The following PDE11A variants were observed in gnomAD, a reference collection of about 807,000 sequenced individuals.
PDE11A encodes dual 3',5'-cyclic-AMP and -GMP phosphodiesterase 11A.
PDE11A carries 100 observed loss-of-function variants against 100.5 expected under a neutral mutation model. That is an observed-to-expected ratio of 1.00 (90% confidence interval 0.85 to 1.18). The LOEUF is 1.18. PDE11A is among the 50% of genes most tolerant of loss of function. PDE11A has a pLI of 0.00. For missense variants in PDE11A, 1,141 were observed against 1,152.6 expected, an observed-to-expected ratio of 0.99 and a Z score of 0.15; for synonymous variants, 381 against 420.8, an observed-to-expected ratio of 0.91 and a Z score of 1.16.
chr2:177,794,069 A>G (rs2082671239), intron 9 of PDE11A, among the ~76,000 whole-genome samples: 1 of 152,120 alleles, frequency 6.6e-6, no homozygotes, highest in Non-Finnish European at 1.5e-5. Context: ...GAGTGGAGAG[A>G]GTGGAGTGAA....
At chr2:177,797,534 A>G (rs1489633405) in intron 9 of PDE11A, among the ~76,000 whole-genome samples, 3 of 152,236 alleles carry the variant, frequency 2.0e-5, no homozygotes, top group Admixed American at 1.3e-4. Flanking sequence ...AAAATAACAT[A>G]GCAAAAGCAG....
chr2:177,960,127 C>G (rs1052929699), intron 2 of PDE11A, among the ~76,000 whole-genome samples: 1 of 151,760 alleles, frequency 6.6e-6, no homozygotes, highest in Non-Finnish European at 1.5e-5. Flanking sequence ...GGAAATTTCC[C>G]CGTCGCTTAA....
At chr2:177,936,116 G>T (rs887146245) in intron 2 of PDE11A, among the ~76,000 whole-genome samples, 2 of 152,228 alleles carry the variant, frequency 1.3e-5, no homozygotes, top group African/African-American at 4.8e-5. Flanking sequence ...TGTTATTTGA[G>T]AGAGTGAGAT....
chr2:177,780,334 C>T (rs531673755), intron 9 of PDE11A, among the ~76,000 whole-genome samples: 74 of 152,296 alleles, frequency 4.9e-4, no homozygotes, highest in African/African-American at 1.7e-3. Flanking sequence ...GATCCTCCCG[C>T]CTCAGCCTCC....
intron 19 of PDE11A, among the ~76,000 whole-genome samples, chr2:177,644,914 CA>C (rs2080200336): frequency 6.6e-6 from 1 of 152,228 alleles, no homozygotes. Context: ...TGCCTGCTGC[CA>C]TCCATGTAAA....
At chr2:177,908,811 A>G (rs76118315) in intron 2 of PDE11A, among the ~76,000 whole-genome samples, 2,839 of 152,334 alleles carry the variant, frequency 0.019, 52 homozygotes, top group South Asian at 0.046. Context: ...TCAGTCAATC[A>G]CAAATCTCTT....
chr2:178,010,256 C>T (rs1273364534), intron 2 of PDE11A, among the ~76,000 whole-genome samples: 3 of 152,218 alleles, frequency 2.0e-5, no homozygotes, highest in African/African-American at 7.2e-5. Context: ...CTAACACTCA[C>T]GACATGGCTT....
intron 9 of PDE11A, among the ~76,000 whole-genome samples, chr2:177,801,921 A>G (rs895722405): frequency 3.9e-5 from 6 of 152,142 alleles, no homozygotes; most frequent in Non-Finnish European, 8.8e-5. Context: ...GAAAAAATGA[A>G]TAAGCAAGCT....
chr2:177,878,329 C>T (rs2084274474), intron 4 of PDE11A, among the ~76,000 whole-genome samples: 1 of 152,174 alleles, frequency 6.6e-6, no homozygotes, highest in East Asian at 1.9e-4. Context: ...GATCTACGTC[C>T]TCTCTCCTTA....
intron 1 of PDE11A, among the ~76,000 whole-genome samples, chr2:178,068,680 T>C (rs1364007413): frequency 1.3e-5 from 2 of 151,952 alleles, no homozygotes; most frequent in Non-Finnish European, 2.9e-5. Context: ...TAAAACATCA[T>C]CACAAAAGAA....
intron 2 of PDE11A, among the ~76,000 whole-genome samples, chr2:177,946,422 T>C (rs1574299433): frequency 1.7e-5 from 1 of 57,304 alleles, no homozygotes; most frequent in African/African-American, 7.6e-5. Context: ...GAGGAGCCCC[T>C]CTGCCCGGCC....
At chr2:177,970,080 T>C (rs2085751055) in intron 2 of PDE11A, among the ~76,000 whole-genome samples, 1 of 152,196 alleles carries the variant, frequency 6.6e-6, no homozygotes, top group Non-Finnish European at 1.5e-5. Flanking sequence ...GGAATATGCA[T>C]TTCGAGTACT....
intron 2 of PDE11A, among the ~76,000 whole-genome samples, chr2:177,936,683 G>C (rs1228926212): frequency 6.6e-6 from 1 of 152,198 alleles, no homozygotes; most frequent in Non-Finnish European, 1.5e-5. Flanking sequence ...CACTTTGGTA[G>C]GCCGAAGTGT....
intron 10 of PDE11A, among the ~76,000 whole-genome samples, chr2:177,768,755 G>T (rs1184868183): frequency 6.6e-6 from 1 of 152,222 alleles, no homozygotes; most frequent in African/African-American, 2.4e-5. Context: ...AAGAACTCCA[G>T]TTCTGGGACC....
Position 177,979,901 on chromosome 2 carries a change from C to T in PDE11A, c.1071+34401G>A, listed in dbSNP as rs755887498. Among the ~76,000 whole-genome samples the T allele has an allele frequency of 6.7e-5, 10 of 150,376 alleles. 1 individual carries two copies. Among genetic ancestry groups the T allele is most frequent in the African/African-American group, 9.7e-5 (4 of 41,258 alleles). On this transcript the variant is annotated intron_variant, in intron 2 of 19. Coordinates refer to ENST00000286063, the MANE Select transcript of PDE11A (RefSeq NM_016953.4). Reference sequence around the variant, plus strand: ...CTGGGATTACAAGCGTGAGCCACCGCGCCCGGCAGATGATCATTTTTATCA... The same window carrying T: ...CTGGGATTACAAGCGTGAGCCACCGTGCCCGGCAGATGATCATTTTTATCA...
intron 2 of PDE11A, among the ~76,000 whole-genome samples, chr2:177,920,838 G>A (rs551707621): frequency 2.0e-5 from 3 of 152,162 alleles, no homozygotes; most frequent in South Asian, 2.1e-4. Flanking sequence ...CAAGACAGGC[G>A]AAGCACGAGG....
At chr2:177,715,569 C>T (rs531038530) in intron 12 of PDE11A, among the ~76,000 whole-genome samples, 4 of 150,056 alleles carry the variant, frequency 2.7e-5, no homozygotes, top group Non-Finnish European at 5.9e-5. Context: ...TACTGATTTT[C>T]TTATCTCCTC....
At chr2:177,643,158 GAC>G (rs1432215607) in intron 19 of PDE11A, among the ~76,000 whole-genome samples, 6 of 152,208 alleles carry the variant, frequency 3.9e-5, no homozygotes, top group Non-Finnish European at 8.8e-5. Context: ...TTGCTGAAAA[GAC>G]ACCCGAATAT....
chr2:177,823,893 A>T (rs961744182), intron 6 of PDE11A, among the ~76,000 whole-genome samples: 2 of 152,180 alleles, frequency 1.3e-5, no homozygotes, highest in Non-Finnish European at 2.9e-5. Flanking sequence ...ACTCTGGGAC[A>T]ACAGTAGCTC....
Sources: allele counts gnomAD v4.1 joint callset (sites outside exome capture counted in the v4.1 genomes callset), GRCh38; gene constraint gnomAD v4.1.1; transcripts MANE v1.5; gene names NCBI Gene and HGNC (gene_info 2026-07-23, HGNC 2026-07-21).